The following PRKG1 variants were observed in gnomAD, a reference collection of about 807,000 sequenced individuals.
The protein encoded by PRKG1 is cGMP-dependent protein kinase 1.
A neutral mutation model predicts 88.1 loss-of-function variants in PRKG1; 35 were observed. That is an observed-to-expected ratio of 0.40 (90% CI 0.30 to 0.53). PRKG1 has a LOEUF of 0.53. Ranked by LOEUF, PRKG1 falls within the 20% of genes least tolerant of loss-of-function variation. The probability of loss-of-function intolerance (pLI) is 0.59; values close to 1 mark genes in which losing one functional copy is unlikely to be tolerated. For synonymous variants in PRKG1, 303 were observed against 292.5 expected (o/e 1.04, Z -0.37); for missense variants, 540 against 839.8 (o/e 0.64, Z 4.41).
intron 2 of PRKG1, among the ~76,000 whole-genome samples, chr10:51,314,808 TTGTTACACTGTCTCG>T (rs1224389470): frequency 2.6e-5 from 4 of 152,204 alleles, no homozygotes; most frequent in Non-Finnish European, 1.5e-5. Flanking sequence ...TTCATATGCA[TTGTTACACTGTCTCG>T]GAAAAGGCCA....
chr10:52,057,525 A>T (rs1250067764), intron 6 of PRKG1, among the ~76,000 whole-genome samples: 2 of 152,202 alleles, frequency 1.3e-5, no homozygotes, highest in African/African-American at 4.8e-5. Context: ...CATAAAATGA[A>T]CTATCTCTTT....
intron 3 of PRKG1, among the ~76,000 whole-genome samples, chr10:51,671,006 A>G (rs2132348553): frequency 6.6e-6 from 1 of 152,032 alleles, no homozygotes; most frequent in East Asian, 1.9e-4. Flanking sequence ...CTGTATTTTT[A>G]CCTATTTATT....
intron 5 of PRKG1, among the ~76,000 whole-genome samples, chr10:52,010,686 G>A (rs146219025): frequency 8.5e-4 from 130 of 152,182 alleles, no homozygotes; most frequent in South Asian, 2.7e-3. Flanking sequence ...ATAAACCGAC[G>A]GCCTTCCCAC....
rs576931348 is a variant in PRKG1, at chr10:51,331,199, G to T, written c.479-136524G>T. 2.0e-5 allele frequency among the ~76,000 whole-genome samples: 3 copies of T among 152,152 alleles called. No homozygotes were observed. The South Asian group carries it at 6.2e-4, about 32-fold the overall frequency. ...AGTACTGGAACAAGCTAGAAACATC[G>T]GTCAGAGGTACCTGGCATGGAATTA... On this transcript the variant is annotated intron_variant, in intron 2 of 17. Transcript: ENST00000373980.
At chr10:52,219,458 C>T (rs1840190771) in intron 9 of PRKG1, among the ~76,000 whole-genome samples, 1 of 152,264 alleles carries the variant, frequency 6.6e-6, no homozygotes, top group Non-Finnish European at 1.5e-5. Context: ...ACAATCCCAA[C>T]ATCTCACTTT....
intron 2 of PRKG1, among the ~76,000 whole-genome samples, chr10:51,325,171 GCT>G (rs137991572): frequency 0.022 from 3,331 of 152,186 alleles, 37 homozygotes; most frequent in Middle Eastern, 0.058. Flanking sequence ...GCCATTTGTA[GCT>G]CTTTTTTCCA....
At chr10:52,157,720 G>A (rs1374003759) in intron 8 of PRKG1, among the ~76,000 whole-genome samples, 3 of 151,410 alleles carry the variant, frequency 2.0e-5, no homozygotes, top group Non-Finnish European at 4.4e-5. Context: ...GTGTGTAAGA[G>A]TTATAGTTTC....
At chr10:52,157,987 A>G (rs1382242199) in intron 8 of PRKG1, among the ~76,000 whole-genome samples, 1 of 151,722 alleles carries the variant, frequency 6.6e-6, no homozygotes, top group Non-Finnish European at 1.5e-5. Flanking sequence ...TATCCCAAGA[A>G]AAGTAACAGA....
At chr10:52,257,799 A>C (rs1841344196) in intron 10 of PRKG1, among the ~76,000 whole-genome samples, 1 of 139,850 alleles carries the variant, frequency 7.2e-6, no homozygotes, top group Non-Finnish European at 1.6e-5. Context: ...CTCATTTCTC[A>C]GAAAATAAGT....
intron 1 of PRKG1, among the ~76,000 whole-genome samples, chr10:50,995,390 C>T (rs1368440198): frequency 6.6e-6 from 1 of 152,090 alleles, no homozygotes; most frequent in African/African-American, 2.4e-5. Context: ...ATCAAGTGTA[C>T]AATACGATGA....
chr10:51,571,758 G>A (rs1234678014), intron 3 of PRKG1, among the ~76,000 whole-genome samples: 1 of 151,838 alleles, frequency 6.6e-6, no homozygotes, highest in Non-Finnish European at 1.5e-5. Context: ...TCATAATGGG[G>A]GAGGATTTCT....
At chr10:52,082,461 G>A (rs978942363) in intron 7 of PRKG1, among the ~76,000 whole-genome samples, 2 of 152,166 alleles carry the variant, frequency 1.3e-5, no homozygotes, top group Admixed American at 1.3e-4. Flanking sequence ...GCATGTTTCT[G>A]TGGTGTAAAT....
At chr10:52,021,227 G>T (rs553458174) in intron 5 of PRKG1, among the ~76,000 whole-genome samples, 2 of 152,228 alleles carry the variant, frequency 1.3e-5, no homozygotes, top group Non-Finnish European at 2.9e-5. Context: ...GTAAGGAAGT[G>T]TGGCACTTGA....
At chr10:51,808,483 G>T (rs1007065927) in intron 4 of PRKG1, among the ~76,000 whole-genome samples, 1 of 152,000 alleles carries the variant, frequency 6.6e-6, no homozygotes, top group Non-Finnish European at 1.5e-5. Context: ...TGTGCCTGTG[G>T]TACCAGCTAC....
At chr10:51,376,201 C>CT (rs1842813486) in intron 2 of PRKG1, among the ~76,000 whole-genome samples, 1 of 152,158 alleles carries the variant, frequency 6.6e-6, no homozygotes, top group Non-Finnish European at 1.5e-5. Context: ...TTGAAAACCC[C>CT]TTTTCTTTTC....
intron 4 of PRKG1, among the ~76,000 whole-genome samples, chr10:51,810,036 T>G (rs993572540): frequency 6.6e-6 from 1 of 152,158 alleles, no homozygotes; most frequent in African/African-American, 2.4e-5. Context: ...CAGAGTGATC[T>G]AAGATGTGAC....
At chr10:51,965,295 T>C (rs1439182611) in intron 5 of PRKG1, among the ~76,000 whole-genome samples, 1 of 152,186 alleles carries the variant, frequency 6.6e-6, no homozygotes, top group South Asian at 2.1e-4. Context: ...CCATGTGTTC[T>C]CATGATTTAG....
At chr10:52,222,922 G>A (rs769557349) in intron 9 of PRKG1, among the ~76,000 whole-genome samples, 4 of 152,038 alleles carry the variant, frequency 2.6e-5, no homozygotes, top group Non-Finnish European at 4.4e-5. Flanking sequence ...GGCTAACCCA[G>A]TTTGTCATTC....
intron 2 of PRKG1, among the ~76,000 whole-genome samples, chr10:51,284,656 T>G (rs998040305): frequency 6.6e-6 from 1 of 152,162 alleles, no homozygotes; most frequent in Admixed American, 6.5e-5. Flanking sequence ...TACTGTTAGC[T>G]TGGAAGCAAA....
Sources: gnomAD v4.1 joint callset for allele counts (sites outside exome capture counted in the v4.1 genomes callset) on GRCh38, gnomAD v4.1.1 for gene constraint, MANE v1.5 for transcripts, NCBI Gene and HGNC (gene_info 2026-07-23, HGNC 2026-07-21) for gene names.